The following ANKRD13C variants were observed in gnomAD, a reference collection of about 807,000 sequenced individuals.
ANKRD13C encodes ankyrin repeat domain 13C, also known as ankyrin repeat domain-containing protein 13C.
ANKRD13C carries 16 observed loss-of-function variants against 65.5 expected under a neutral mutation model. The ratio of observed to expected loss-of-function variants is 0.24; its 90% CI spans 0.17 to 0.37. The LOEUF (loss-of-function observed/expected upper bound fraction) is 0.37, where lower values mean the gene tolerates loss of function less well. Among genes scored for constraint, ANKRD13C ranks in the 10% least tolerant of loss-of-function variants. ANKRD13C has a pLI of 1.00. For synonymous variants in ANKRD13C, 235 were observed against 238.7 expected, an observed-to-expected ratio of 0.98 and a Z score of 0.14; for missense variants, 503 against 655.9, an observed-to-expected ratio of 0.77 and a Z score of 2.55.
rs181818402 is a variant in ANKRD13C at position 70,352,833 on chromosome 1, G to C, written c.430+1146C>G. ...TTTTGGGGATTTATGATAAATGATA[G>C]GTGGTGATTTTATTACAATTACAAC... On this transcript the variant is annotated intron_variant, in intron 1 of 12. Transcript: ENST00000370944. Among the ~76,000 whole-genome samples the C allele has an allele frequency of 1.4e-3, 209 of 152,320 alleles. 1 individual carries two copies. The highest frequency in any genetic ancestry group is 5.0e-3 in the African/African-American group (206 of 41,582).
chr1:70,337,637 A>AAAAAC (rs1682103112), intron 1 of ANKRD13C, among the ~76,000 whole-genome samples: 1 of 152,182 alleles, frequency 6.6e-6, no homozygotes, highest in Non-Finnish European at 1.5e-5. Context: ...TAATTTTACC[A>AAAAAC]AAAACAAAAC....
chr1:70,307,059 A>G (rs1341124499), intron 5 of ANKRD13C, among the ~76,000 whole-genome samples: 2 of 152,222 alleles, frequency 1.3e-5, no homozygotes, highest in Non-Finnish European at 1.5e-5. Flanking sequence ...ACATGTGTAC[A>G]TAAGTGTGTG....
intron 9 of ANKRD13C, among the ~76,000 whole-genome samples, chr1:70,285,606 C>T (rs1244802352): frequency 6.6e-6 from 1 of 151,336 alleles, no homozygotes; most frequent in Non-Finnish European, 1.5e-5. Context: ...TGTTTAACCT[C>T]ACATTAAATA....
chr1:70,333,142 T>G (rs1436888342), intron 2 of ANKRD13C, among the ~76,000 whole-genome samples: 1 of 152,190 alleles, frequency 6.6e-6, no homozygotes, highest in African/African-American at 2.4e-5. Context: ...GCTACTTTAC[T>G]CTGGGCAAGT....
intron 9 of ANKRD13C, among the ~76,000 whole-genome samples, chr1:70,284,540 G>A (rs1015047025): frequency 6.6e-6 from 1 of 152,062 alleles, no homozygotes; most frequent in African/African-American, 2.4e-5. Flanking sequence ...GCTAAGACGT[G>A]TTAATACCTG....
At chr1:70,284,811 A>T (rs1262529471) in intron 9 of ANKRD13C, among the ~76,000 whole-genome samples, 5 of 152,216 alleles carry the variant, frequency 3.3e-5, no homozygotes, top group African/African-American at 4.8e-5. Flanking sequence ...TAACAACTTC[A>T]ATGTTTTAAG....
Position 70,347,079 on chromosome 1 carries a change from G to A in ANKRD13C, c.430+6900C>T, listed in dbSNP as rs1365745231. Among the ~76,000 whole-genome samples the A allele has an allele frequency of 7.8e-5, 10 of 128,208 alleles. 1 individual carries two copies. The highest frequency in any genetic ancestry group is 1.5e-4 in the African/African-American group (5 of 33,532). 84.1% of individuals were successfully genotyped at this position (128,208 alleles called of 152,430 possible). ...TGCACTCCAGCCTTGGTGACAGAGCGAGGCTCCGTCTCAAAAAAAAAAAAA... is the reference window on the plus strand; with the variant it reads ...TGCACTCCAGCCTTGGTGACAGAGCAAGGCTCCGTCTCAAAAAAAAAAAAA... On this transcript the variant is annotated intron_variant, in intron 1 of 12. Coordinates refer to ENST00000370944, the MANE Select transcript of ANKRD13C (RefSeq NM_030816.5).
At position 70,292,415 on chromosome 1, in the gene ANKRD13C, A is replaced by T. The variant is rs774882785; in HGVS notation, c.1188T>A (p.Gly396=). Residue 396 remains glycine (G), a synonymous_variant, in exon 9 of 13, where the codon GGT becomes GGA. Transcript: ENST00000370944. ...NKAIMESLSK[G]GNIMEQNFEP... ...CAAAATTCTGTTCCATTATGTTTCC[A>T]CCTTTACTCAAACTCTCCATGATGG... is the stretch of plus-strand genomic sequence containing the variant. 1 of 1,592,244 alleles carries T rather than the reference A, an allele frequency of 6.3e-7. No individual in the cohort carries two copies. The highest frequency in any genetic ancestry group is 8.5e-7 in the Non-Finnish European group (1 of 1,174,578).
intron 9 of ANKRD13C, among the ~76,000 whole-genome samples, chr1:70,291,040 T>C (rs1679844314): frequency 6.6e-6 from 1 of 152,174 alleles, no homozygotes; most frequent in Non-Finnish European, 1.5e-5. Flanking sequence ...TGGGAAATTT[T>C]TTTTTTTTTG....
At chr1:70,273,681 T>C (rs917181554) in intron 11 of ANKRD13C, among the ~76,000 whole-genome samples, 3 of 152,020 alleles carry the variant, frequency 2.0e-5, no homozygotes, top group Non-Finnish European at 4.4e-5. Flanking sequence ...TTTCTTTTTT[T>C]TTTTGAGACG....
At chr1:70,330,592 A>AG (rs1029018589) in intron 2 of ANKRD13C, among the ~76,000 whole-genome samples, 1 of 150,960 alleles carries the variant, frequency 6.6e-6, no homozygotes, top group African/African-American at 2.4e-5. Flanking sequence ...AAAAAAAAAA[A>AG]AAAGAAATCA....
Position 70,300,880 on chromosome 1 carries a change from C to A in ANKRD13C, c.805G>T (p.Asp269Tyr). ...RLDTTLIDFT[D>Y]MKCQRGDLSF... ...AGATCCCCTCGTTGGCACTTCATGT[C>A]AGTAAAGTCTATGAGAGTTGTGTCA... Residue 269 changes from aspartate (D) to tyrosine (Y), a missense_variant, in exon 7 of 13, where the codon GAC (aspartate) becomes TAC (tyrosine). Transcript: ENST00000370944. The A allele has an allele frequency of 1.2e-6, 2 of 1,613,448 alleles. No individual in the cohort carries two copies. Among genetic ancestry groups the A allele is most frequent in the South Asian group, 2.2e-5 (2 of 90,952 alleles).
At chr1:70,289,025 A>G (rs116170653) in intron 9 of ANKRD13C, among the ~76,000 whole-genome samples, 144 of 152,358 alleles carry the variant, frequency 9.5e-4, no homozygotes, top group Non-Finnish European at 1.3e-3. Flanking sequence ...TACAGATTCA[A>G]CATTATCCCA....
At chr1:70,295,158 C>T (rs1034007935) in intron 8 of ANKRD13C, among the ~76,000 whole-genome samples, 1 of 151,756 alleles carries the variant, frequency 6.6e-6, no homozygotes, top group Non-Finnish European at 1.5e-5. Flanking sequence ...CAATCTTGAC[C>T]CTGACTTGAT....
intron 2 of ANKRD13C, among the ~76,000 whole-genome samples, chr1:70,333,781 G>C (rs1449778590): frequency 1.3e-5 from 2 of 152,110 alleles, no homozygotes; most frequent in African/African-American, 2.4e-5. Context: ...AAGAACAGCA[G>C]ACACACCATA....
chr1:70,354,312 C>G lies in ANKRD13C; in HGVS notation c.97G>C (p.Ala33Pro), dbSNP rs759171807. 8 of 1,613,826 alleles carry G rather than the reference C, an allele frequency of 5.0e-6. No homozygotes were observed. The highest frequency in any genetic ancestry group is 6.8e-6 in the Non-Finnish European group (8 of 1,180,006). ...LEPGDEEAAA[A>P]LGGTFTRSRI... The stretch of plus-strand genomic sequence containing the variant: ...CTTCTGGTAAAGGTACCGCCGAGGG[C>G]AGCCGCCGCTTCCTCATCCCCGGGC... Residue 33 changes from alanine (A) to proline (P), a missense_variant, in exon 1 of 13, where the codon GCC (alanine) becomes CCC (proline). Physicochemically the swap from Ala to Pro is conservative, Grantham distance 27 (BLOSUM62 -1). This residue lies in a region of ANKRD13C where 203 missense variants were observed against 177.6 expected (regional missense o/e 1.14). Coordinates refer to ENST00000370944, the MANE Select transcript of ANKRD13C (RefSeq NM_030816.5).
chr1:70,317,515 G>C (rs1230260131), intron 3 of ANKRD13C, among the ~76,000 whole-genome samples: 2 of 151,874 alleles, frequency 1.3e-5, no homozygotes, highest in African/African-American at 4.8e-5. Flanking sequence ...TTTTTATAAA[G>C]TTCTGATAGT....
Position 70,315,498 on chromosome 1 carries a change from A to G in ANKRD13C, c.646T>C (p.Leu216=), listed in dbSNP as rs1311939962. The change falls in exon 4 of 13, where the codon TTA becomes CTA. Residue 216 remains leucine (L), a synonymous_variant. Coordinates refer to ENST00000370944, the MANE Select transcript of ANKRD13C (RefSeq NM_030816.5). ...TAGCTTACCTCTTTCAGGGCTTTTAATAATCGAGGTCGTTTTTCTTCAACA... is the reference window on the plus strand; with the variant it reads ...TAGCTTACCTCTTTCAGGGCTTTTAGTAATCGAGGTCGTTTTTCTTCAACA... ...ESVEEKRPRL[L]KALKELGDFY... is the part of the protein sequence containing the mutation. The G allele has an allele frequency of 6.2e-7, 1 of 1,605,190 alleles. No individual in the cohort carries two copies. Among genetic ancestry groups the G allele is most frequent in the Admixed American group, 1.7e-5 (1 of 59,832 alleles).
In ANKRD13C at chr1:70,335,999, A is replaced by T. The variant is rs956762870; in HGVS notation, c.472+59T>A. On this transcript the variant is annotated intron_variant, in intron 2 of 12. Coordinates refer to ENST00000370944, the MANE Select transcript of ANKRD13C (RefSeq NM_030816.5). ...TCAAAAGACAAAACTGATCTTAAAA[A>T]TTTTAAACTGACTATATATAAATGA... 6.3e-5 allele frequency: 34 copies of T among 542,222 alleles called. No homozygotes were observed. The African/African-American group carries it at 6.7e-4, about 11-fold the overall frequency. 33.6% of individuals were successfully genotyped at this position (542,222 alleles called of 1,614,324 possible). A position where few individuals can be genotyped will look rare whatever the true frequency, so the allele number is the denominator to read the frequency against.
Sources: allele counts gnomAD v4.1 joint callset (sites outside exome capture counted in the v4.1 genomes callset), GRCh38; gene constraint gnomAD v4.1.1; regional missense constraint gnomAD v4.1.1; transcripts MANE v1.5; gene names NCBI Gene and HGNC (gene_info 2026-07-23, HGNC 2026-07-21).